Variants in CECR2 observed in about 807,000 individuals in gnomAD.
CECR2 encodes the protein CECR2 histone acetyl-lysine reader.
CECR2 carries 30 observed loss-of-function variants against 154.5 expected under a neutral mutation model. The ratio of observed to expected loss-of-function variants is 0.19; its 90% CI spans 0.15 to 0.26. The LOEUF is 0.26. CECR2 is among the 10% of genes least tolerant of loss of function. The pLI, the probability that CECR2 is intolerant of heterozygous loss-of-function variation, is 1.00. For synonymous variants in CECR2, 725 were observed against 683.7 expected, an observed-to-expected ratio of 1.06 and a Z score of -0.94; for missense variants, 1,743 against 1,829.3, an observed-to-expected ratio of 0.95 and a Z score of 0.86.
At chr22:17,394,330 G>A (rs1454901095) in intron 1 of CECR2, among the ~76,000 whole-genome samples, 2 of 151,048 alleles carry the variant, frequency 1.3e-5, no homozygotes, top group Non-Finnish European at 2.9e-5. Flanking sequence ...AGCCTCCTGA[G>A]TGGGTGGGAG....
intron 1 of CECR2, among the ~76,000 whole-genome samples, chr22:17,404,475 G>T (rs922421219): frequency 8.3e-6 from 1 of 120,658 alleles, no homozygotes; most frequent in Non-Finnish European, 1.7e-5. Flanking sequence ...TCGGGTTCAC[G>T]CCATTCTCCT....
chr22:17,497,368 A>G (rs756929292), intron 2 of CECR2, 35 bp from the exon 3 acceptor site: 2 of 1,564,162 alleles, frequency 1.3e-6, no homozygotes, highest in African/African-American at 2.7e-5. Flanking sequence ...TATATTTTAT[A>G]TTAATGTATT....
chr22:17,379,581 G>GGTGTGTGTGTGTGTGTGT (rs60634016), intron 1 of CECR2, among the ~76,000 whole-genome samples: 4 of 137,902 alleles, frequency 2.9e-5, no homozygotes, highest in Admixed American at 7.3e-5. Flanking sequence ...CTACGTTGAA[G>GGTGTGTGTGTGTGTGTGT]GTGTGTGTGT....
At position 17,552,849 on chromosome 22, in the gene CECR2, G is replaced by A. The variant is rs1353756297; in HGVS notation, c.*9G>A. On this transcript the variant is annotated 3_prime_UTR_variant, in exon 19 of 19. Transcript: ENST00000262608. ...GTTTCTTTCAGAGCTAGTCCAAGGAGGAAATGAGCCCCAAGCAATGGAAAG... is the reference window on the plus strand; with the variant it reads ...GTTTCTTTCAGAGCTAGTCCAAGGAAGAAATGAGCCCCAAGCAATGGAAAG... 6.6e-7 allele frequency: 1 copy of A among 1,506,786 alleles called. No homozygotes were observed. The highest frequency in any genetic ancestry group is 8.9e-7 in the Non-Finnish European group (1 of 1,119,656). The allele number at this position is 1,506,786 out of a possible 1,614,324, so 93.3% of individuals were successfully genotyped here.
At chr22:17,541,084 A>G (rs1003861) in intron 14 of CECR2, among the ~76,000 whole-genome samples, 46,955 of 152,064 alleles carry the variant, frequency 0.31, 8,332 homozygotes, top group African/African-American at 0.5. Flanking sequence ...GTGTCTAGCC[A>G]TTCCTTTATT....
At chr22:17,415,979 C>T (rs2054151587) in intron 1 of CECR2, among the ~76,000 whole-genome samples, 1 of 152,184 alleles carries the variant, frequency 6.6e-6, no homozygotes, top group African/African-American at 2.4e-5. Flanking sequence ...TTTCCCAGTA[C>T]ACTCACGATT....
At chr22:17,460,202 T>C (rs902112890) in intron 1 of CECR2, among the ~76,000 whole-genome samples, 2 of 152,082 alleles carry the variant, frequency 1.3e-5, no homozygotes, top group African/African-American at 4.8e-5. Context: ...GTTTCTTCTT[T>C]GGAAAAAATT....
upstream of CECR2, among the ~76,000 whole-genome samples, chr22:17,368,782 G>A (rs551723330): frequency 6.6e-6 from 1 of 152,194 alleles, no homozygotes; most frequent in African/African-American, 2.4e-5. Context: ...TCCATTCCCT[G>A]GGGTTGGGGA....
chr22:17,429,864 A>G (rs891111518), intron 1 of CECR2, among the ~76,000 whole-genome samples: 3 of 152,204 alleles, frequency 2.0e-5, no homozygotes, highest in South Asian at 2.1e-4. Flanking sequence ...AAGAAGTCCT[A>G]TATGGCTGGT....
chr22:17,402,204 C>T (rs537803547), intron 1 of CECR2, among the ~76,000 whole-genome samples: 38 of 152,176 alleles, frequency 2.5e-4, no homozygotes, highest in Admixed American at 5.2e-4. Flanking sequence ...AGGCTGGTTT[C>T]GAACTCCCGA....
At chr22:17,513,473 A>AGTTTC (rs2055997305) in intron 8 of CECR2, among the ~76,000 whole-genome samples, 1 of 152,216 alleles carries the variant, frequency 6.6e-6, no homozygotes, top group African/African-American at 2.4e-5. Flanking sequence ...AACACATTCT[A>AGTTTC]CCTTGAGCCC....
chr22:17,522,588 T>A (rs1461910792), intron 8 of CECR2, among the ~76,000 whole-genome samples: 1 of 152,216 alleles, frequency 6.6e-6, no homozygotes, highest in African/African-American at 2.4e-5. Flanking sequence ...AGACACCTTA[T>A]GGGTACAGTG....
chr22:17,386,087 A>AC (rs1290222907), intron 1 of CECR2, among the ~76,000 whole-genome samples: 3 of 152,316 alleles, frequency 2.0e-5, no homozygotes, highest in South Asian at 2.1e-4. Flanking sequence ...GAGCCCTCAT[A>AC]CGGTGGTACC....
At chr22:17,513,541 A>G (rs1203813862) in intron 8 of CECR2, among the ~76,000 whole-genome samples, 1 of 152,214 alleles carries the variant, frequency 6.6e-6, no homozygotes, top group Admixed American at 6.5e-5. Context: ...TTGATTTCAC[A>G]TCTGTCTCTT....
intron 1 of CECR2, among the ~76,000 whole-genome samples, chr22:17,403,919 GTTTT>G (rs1010900228): frequency 6.6e-6 from 1 of 151,646 alleles, no homozygotes; most frequent in African/African-American, 2.4e-5. Flanking sequence ...AGTTGGTGGG[GTTTT>G]TTTTGAGTGG....
intron 2 of CECR2, among the ~76,000 whole-genome samples, chr22:17,495,657 T>C (rs2055611645): frequency 6.8e-6 from 1 of 146,340 alleles, no homozygotes; most frequent in Non-Finnish European, 1.5e-5. Flanking sequence ...GGTCAGGAAA[T>C]CGAGACCATC....
At chr22:17,390,867 A>G (rs866842081) in intron 1 of CECR2, among the ~76,000 whole-genome samples, 1 of 152,210 alleles carries the variant, frequency 6.6e-6, no homozygotes, top group Non-Finnish European at 1.5e-5. Context: ...AAGGAGATGA[A>G]CACTGATAAA....
At chr22:17,466,426 TGA>T (rs1291080635) in intron 1 of CECR2, among the ~76,000 whole-genome samples, 2 of 152,158 alleles carry the variant, frequency 1.3e-5, no homozygotes, top group Admixed American at 1.3e-4. Context: ...CTCTATTTTG[TGA>T]GAGAGAATTA....
At chr22:17,484,645 A>T (rs1035942114) in intron 2 of CECR2, among the ~76,000 whole-genome samples, 2 of 152,122 alleles carry the variant, frequency 1.3e-5, no homozygotes, top group African/African-American at 4.8e-5. Flanking sequence ...TCAAGCCTGT[A>T]ATCCCAGCAC....
Sources: gnomAD v4.1 joint callset for allele counts (sites outside exome capture counted in the v4.1 genomes callset) on GRCh38, gnomAD v4.1.1 for gene constraint, MANE v1.5 for transcripts, NCBI Gene and HGNC (gene_info 2026-07-23, HGNC 2026-07-21) for gene names.